The following FIG4 variants were observed in gnomAD, a reference collection of about 807,000 sequenced individuals.
FIG4 encodes polyphosphoinositide phosphatase.
A neutral mutation model predicts 118.6 loss-of-function variants in FIG4; 112 were observed. The observed-to-expected ratio is 0.94, with a 90% CI of 0.81 to 1.11. The LOEUF (loss-of-function observed/expected upper bound fraction) is 1.11, where lower values mean the gene tolerates loss of function less well. Among genes scored for constraint, FIG4 ranks in the 50% least tolerant of loss-of-function variants. The pLI is 0.00. For synonymous variants in FIG4, 369 were observed against 381.2 expected (o/e 0.97, Z 0.37); for missense variants, 969 against 1,111.7 (o/e 0.87, Z 1.83).
chr6:109,808,812 C>T (rs1002305498), intron 22 of FIG4, among the ~76,000 whole-genome samples: 6 of 152,028 alleles, frequency 3.9e-5, no homozygotes, highest in South Asian at 2.1e-4. Context: ...TTTTTGAACA[C>T]GTATATCTAC....
intron 10 of FIG4, among the ~76,000 whole-genome samples, chr6:109,756,934 C>CT (rs1416008925): frequency 1.3e-5 from 2 of 152,174 alleles, no homozygotes; most frequent in Non-Finnish European, 2.9e-5. Flanking sequence ...CCTTTCTCAA[C>CT]TCGTCAAAGT....
chr6:109,814,056 A>C (rs1778792641), intron 22 of FIG4, among the ~76,000 whole-genome samples: 1 of 152,210 alleles, frequency 6.6e-6, no homozygotes. Context: ...GTACATCACA[A>C]ATACAGACAG....
At chr6:109,774,891 T>G (rs570625651) in intron 15 of FIG4, among the ~76,000 whole-genome samples, 1 of 152,104 alleles carries the variant, frequency 6.6e-6, no homozygotes, top group African/African-American at 2.4e-5. Context: ...TGAATAATAC[T>G]TCCTTTCATT....
At chr6:109,772,902 A>G (rs1381373490) in intron 15 of FIG4, among the ~76,000 whole-genome samples, 2 of 152,244 alleles carry the variant, frequency 1.3e-5, no homozygotes, top group Non-Finnish European at 2.9e-5. Flanking sequence ...TCACAAGACT[A>G]GAGTAAAAAT....
intron 3 of FIG4, among the ~76,000 whole-genome samples, chr6:109,719,232 T>C (rs925555624): frequency 6.6e-6 from 1 of 152,166 alleles, no homozygotes; most frequent in African/African-American, 2.4e-5. Flanking sequence ...ACTTTTTTGA[T>C]AGGCATTTCA....
chr6:109,714,329 C>T (rs183822953), intron 1 of FIG4, among the ~76,000 whole-genome samples: 12 of 152,308 alleles, frequency 7.9e-5, no homozygotes, highest in African/African-American at 2.9e-4. Flanking sequence ...GTCTTCCCTC[C>T]ACCACTCTCA....
chr6:109,796,643 A>C (rs1583748980), intron 21 of FIG4, 122 bp from the exon 22 acceptor site: 3 of 761,534 alleles, frequency 3.9e-6, no homozygotes, highest in Non-Finnish European at 7.3e-6. Flanking sequence ...CAGTACTCTT[A>C]GGTGTTTTTC....
At chr6:109,809,580 T>C (rs1778665695) in intron 22 of FIG4, among the ~76,000 whole-genome samples, 1 of 152,202 alleles carries the variant, frequency 6.6e-6, no homozygotes, top group Non-Finnish European at 1.5e-5. Context: ...TGATTATTTA[T>C]GTCAATATGC....
At position 109,773,824 on chromosome 6, in the gene FIG4, T is replaced by TTTTA. The variant is rs561698325; in HGVS notation, c.1751-3078_1751-3075dup. On this transcript the variant is annotated intron_variant, in intron 15 of 22. Coordinates refer to ENST00000230124, the MANE Select transcript of FIG4 (RefSeq NM_014845.6). ...GTAGCTGGGACCACACTCGTCTAAT[T>TTTTA]TTTATTTATTTATTTATTTATTTTT... 1.6e-3 allele frequency among the ~76,000 whole-genome samples: 248 copies of TTTTA among 152,078 alleles called. 3 individuals are homozygous for TTTTA. The highest frequency in any genetic ancestry group is 0.013 in the South Asian group (63 of 4,810).
chr6:109,743,539 T>C (rs376505897), intron 9 of FIG4, 136 bp from the exon 10 acceptor site: 9 of 737,646 alleles, frequency 1.2e-5, no homozygotes, highest in African/African-American at 5.2e-5. Context: ...CTAGTGAGCA[T>C]CTTAAGAAGG....
At chr6:109,751,830 T>A (rs185218784) in intron 10 of FIG4, among the ~76,000 whole-genome samples, 5 of 151,522 alleles carry the variant, frequency 3.3e-5, no homozygotes, top group Admixed American at 3.3e-4. Context: ...TTAAGTATTT[T>A]TTTTCTTTTT....
At chr6:109,824,964 C>A in intron 22 of FIG4, 124 bp from the exon 23 acceptor site, 1 of 873,706 alleles carries the variant, frequency 1.1e-6, no homozygotes, top group Non-Finnish European at 1.9e-6. Context: ...GTCATCCCAG[C>A]AGCTTGTCAA....
chr6:109,753,848 A>G (rs545614003), intron 10 of FIG4, among the ~76,000 whole-genome samples: 128 of 152,366 alleles, frequency 8.4e-4, no homozygotes, highest in African/African-American at 2.9e-3. Context: ...AGCTGAGACA[A>G]TAGGGTTTTC....
chr6:109,759,085 A>G (rs1191607060), intron 10 of FIG4, among the ~76,000 whole-genome samples: 4 of 152,236 alleles, frequency 2.6e-5, no homozygotes, highest in Non-Finnish European at 5.9e-5. Flanking sequence ...TGACCCAGCA[A>G]TCCCATTACT....
chr6:109,717,085 A>G (rs1458643725), intron 3 of FIG4, among the ~76,000 whole-genome samples: 1 of 151,844 alleles, frequency 6.6e-6, no homozygotes, highest in East Asian at 1.9e-4. Flanking sequence ...CACTGTTTGA[A>G]ATTGTGTTAG....
intron 11 of FIG4, 87 bp downstream of exon 11, chr6:109,760,470 A>G (rs911740551): frequency 7.2e-5 from 87 of 1,212,560 alleles, no homozygotes; most frequent in Non-Finnish European, 8.2e-5. Context: ...GGTAAAGTAA[A>G]TGTTACCCTG....
chr6:109,702,723 C>T (rs1176285579), intron 1 of FIG4, among the ~76,000 whole-genome samples: 1 of 152,108 alleles, frequency 6.6e-6, no homozygotes, highest in Non-Finnish European at 1.5e-5. Context: ...ACTAGGGGCC[C>T]TTTGCTTCTT....
chr6:109,782,403 A>G (rs1245872717), intron 16 of FIG4, among the ~76,000 whole-genome samples: 1 of 152,226 alleles, frequency 6.6e-6, no homozygotes, highest in African/African-American at 2.4e-5. Flanking sequence ...GGAATCTTTT[A>G]AAAGTGTTGT....
intron 3 of FIG4, among the ~76,000 whole-genome samples, chr6:109,718,396 A>G (rs1775499534): frequency 6.6e-6 from 1 of 152,224 alleles, no homozygotes; most frequent in Non-Finnish European, 1.5e-5. Context: ...CAAAATTAAT[A>G]TGGACTTGAC....
Sources: gnomAD v4.1 joint callset for allele counts (sites outside exome capture counted in the v4.1 genomes callset) on GRCh38, gnomAD v4.1.1 for gene constraint, MANE v1.5 for transcripts, NCBI Gene and HGNC (gene_info 2026-07-23, HGNC 2026-07-21) for gene names.